Variants in PCDH15 observed in about 807,000 individuals in gnomAD.
PCDH15 encodes the protein protocadherin-15.
Under a neutral mutation model 178.5 loss-of-function variants are expected in PCDH15, and 129 were observed. The ratio of observed to expected loss-of-function variants is 0.72; its 90% confidence interval spans 0.63 to 0.84. The LOEUF is 0.84. Ranked by LOEUF, PCDH15 falls within the 40% of genes least tolerant of loss-of-function variation. The pLI is 0.00. For synonymous variants in PCDH15, 800 were observed against 732.0 expected (o/e 1.09, Z -1.50); for missense variants, 2,230 against 2,099.9 (o/e 1.06, Z -1.21).
intron 2 of PCDH15, among the ~76,000 whole-genome samples, chr10:55,509,236 TA>T (rs1840827401): frequency 6.6e-6 from 1 of 151,728 alleles, no homozygotes; most frequent in African/African-American, 2.4e-5. Context: ...TAGGATATAG[TA>T]AATAGTAAAT....
chr10:54,127,335 C>T (rs573456676), intron 15 of PCDH15, among the ~76,000 whole-genome samples: 8 of 152,272 alleles, frequency 5.3e-5, no homozygotes, highest in Admixed American at 2.6e-4. Context: ...GGGATGACCT[C>T]GCCAGCAGTA....
intron 28 of PCDH15, among the ~76,000 whole-genome samples, chr10:53,852,582 T>C (rs2078456667): frequency 6.6e-6 from 1 of 152,100 alleles, no homozygotes; most frequent in Non-Finnish European, 1.5e-5. Flanking sequence ...AGCATTCCAT[T>C]TTCCAGGTAC....
At chr10:54,426,433 A>AT (rs1199644525) in intron 3 of PCDH15, among the ~76,000 whole-genome samples, 9 of 152,200 alleles carry the variant, frequency 5.9e-5, no homozygotes, top group African/African-American at 2.2e-4. Context: ...TGATAATCAA[A>AT]TGCTGCCAGT....
At chr10:54,414,644 T>C (rs1190513719) in intron 3 of PCDH15, among the ~76,000 whole-genome samples, 2 of 152,104 alleles carry the variant, frequency 1.3e-5, no homozygotes, top group Non-Finnish European at 2.9e-5. Context: ...CTGATTTAAG[T>C]CTCTTTACAA....
At chr10:54,119,412 G>A (rs2095175287) in intron 15 of PCDH15, among the ~76,000 whole-genome samples, 2 of 152,088 alleles carry the variant, frequency 1.3e-5, no homozygotes, top group Non-Finnish European at 2.9e-5. Flanking sequence ...TTGAAGATAA[G>A]CCTTCTGAAG....
chr10:54,493,370 C>A (rs887101013), intron 3 of PCDH15, among the ~76,000 whole-genome samples: 4 of 152,012 alleles, frequency 2.6e-5, no homozygotes, highest in Non-Finnish European at 4.4e-5. Flanking sequence ...ACCTACCCAA[C>A]CAAGTGAAAC....
At chr10:54,545,923 A>G (rs1366613336) in intron 2 of PCDH15, among the ~76,000 whole-genome samples, 1 of 152,234 alleles carries the variant, frequency 6.6e-6, no homozygotes, top group African/African-American at 2.4e-5. Flanking sequence ...TCTGCGAAGC[A>G]GAAGACACTC....
chr10:54,208,412 T>C (rs1419444554), intron 10 of PCDH15, among the ~76,000 whole-genome samples: 1 of 152,032 alleles, frequency 6.6e-6, no homozygotes, highest in Non-Finnish European at 1.5e-5. Context: ...CACAATGTAA[T>C]GCAATTAGGA....
chr10:54,669,967 T>C (rs1464831254), intron 1 of PCDH15, among the ~76,000 whole-genome samples: 4 of 151,962 alleles, frequency 2.6e-5, no homozygotes, highest in African/African-American at 9.7e-5. Context: ...GGTAGAAGAA[T>C]CGCTTGAACC....
intron 2 of PCDH15, among the ~76,000 whole-genome samples, chr10:55,048,881 T>A (rs1045915834): frequency 1.3e-5 from 2 of 151,960 alleles, no homozygotes; most frequent in African/African-American, 4.8e-5. Context: ...TTAGAGGTTA[T>A]AAATAGAAGT....
intron 2 of PCDH15, among the ~76,000 whole-genome samples, chr10:55,439,859 A>G (rs1839138207): frequency 6.6e-6 from 1 of 152,292 alleles, no homozygotes; most frequent in South Asian, 2.1e-4. Flanking sequence ...AATGAAACAG[A>G]ATTTCCCAAA....
intron 27 of PCDH15, among the ~76,000 whole-genome samples, chr10:53,863,425 G>A (rs1334586802): frequency 6.6e-6 from 1 of 152,122 alleles, no homozygotes; most frequent in Non-Finnish European, 1.5e-5. Flanking sequence ...GTTCAAGTAA[G>A]ATAAGGACTG....
chr10:55,475,659 A>G (rs929958563), intron 2 of PCDH15, among the ~76,000 whole-genome samples: 5 of 152,112 alleles, frequency 3.3e-5, no homozygotes, highest in African/African-American at 1.2e-4. Flanking sequence ...TAAAAGGTGT[A>G]AGTGAAGGAT....
chr10:55,249,289 AT>A (rs1841770034), intron 1 of PCDH15, among the ~76,000 whole-genome samples: 1 of 152,212 alleles, frequency 6.6e-6, no homozygotes, highest in Admixed American at 6.5e-5. Context: ...TTTAAGTCAA[AT>A]TTTAAATTCT....
At chr10:54,951,940 C>T (rs1838353355) in intron 2 of PCDH15, among the ~76,000 whole-genome samples, 1 of 151,756 alleles carries the variant, frequency 6.6e-6, no homozygotes, top group African/African-American at 2.4e-5. Flanking sequence ...ATTTGGAATC[C>T]AATACCTCTA....
At chr10:54,871,263 G>T (rs1954034725) in intron 3 of PCDH15, among the ~76,000 whole-genome samples, 1 of 152,046 alleles carries the variant, frequency 6.6e-6, no homozygotes, top group Non-Finnish European at 1.5e-5. Flanking sequence ...TGCTATTTCT[G>T]AATACTCTGG....
intron 8 of PCDH15, among the ~76,000 whole-genome samples, chr10:54,238,637 C>A (rs1368186435): frequency 6.7e-6 from 1 of 149,804 alleles, no homozygotes; most frequent in Non-Finnish European, 1.5e-5. Flanking sequence ...GCAACTCTCA[C>A]TGAACTTTTC....
chr10:54,193,132 C>T (rs1023304467), intron 11 of PCDH15, among the ~76,000 whole-genome samples: 1 of 152,150 alleles, frequency 6.6e-6, no homozygotes, highest in Non-Finnish European at 1.5e-5. Flanking sequence ...TAGTGTTTCT[C>T]AAAGGTTTTA....
intron 1 of PCDH15, among the ~76,000 whole-genome samples, chr10:55,232,581 T>C (rs1413478255): frequency 1.3e-5 from 2 of 152,080 alleles, no homozygotes; most frequent in African/African-American, 4.8e-5. Flanking sequence ...TAATGGAATA[T>C]AGCAAAAATC....
Sources: gnomAD v4.1 joint callset for allele counts (sites outside exome capture counted in the v4.1 genomes callset) on GRCh38, gnomAD v4.1.1 for gene constraint, MANE v1.5 for transcripts, NCBI Gene and HGNC (gene_info 2026-07-23, HGNC 2026-07-21) for gene names.